IRAG2: variants seen among roughly 807,000 people sequenced by gnomAD.
IRAG2 encodes inositol 1,4,5-triphosphate receptor associated 2, also known as lymphoid restricted membrane protein.
In IRAG2, 45 loss-of-function variants were observed where a neutral mutation model predicts 69.9. The observed-to-expected ratio is 0.64, with a 90% confidence interval of 0.51 to 0.83. The LOEUF is 0.83. Ranked by LOEUF, IRAG2 falls within the 40% of genes least tolerant of loss-of-function variation. IRAG2 has a pLI of 0.00. For synonymous variants in IRAG2, 193 were observed against 202.4 expected (o/e 0.95, Z 0.40); for missense variants, 520 against 587.0 (o/e 0.89, Z 1.18).
chr12:25,056,150 C>T (rs746220416), intron 1 of IRAG2, among the ~76,000 whole-genome samples: 5 of 151,990 alleles, frequency 3.3e-5, no homozygotes, highest in South Asian at 2.1e-4. Context: ...GCATGGAGGG[C>T]GGGAGGTATG....
intron 5 of IRAG2, chr12:25,017,091 T>G (rs1944535582): frequency 8.2e-7 from 1 of 1,221,206 alleles, no homozygotes; most frequent in African/African-American, 1.6e-5. Context: ...TTAGAAGGAA[T>G]TAGTGATGTG....
intron 16 of IRAG2, among the ~76,000 whole-genome samples, chr12:25,038,516 C>T (rs897567446): frequency 6.6e-6 from 1 of 151,992 alleles, no homozygotes; most frequent in East Asian, 1.9e-4. Flanking sequence ...GGTGGTAATG[C>T]CTGTAATCCC....
chr12:25,005,655 G>T (rs1176863450), intron 2 of IRAG2, among the ~76,000 whole-genome samples: 2 of 152,032 alleles, frequency 1.3e-5, no homozygotes, highest in Non-Finnish European at 2.9e-5. Flanking sequence ...CGTAGGTGGC[G>T]CCCCACAGGA....
At position 25,101,166 on chromosome 12, in the gene IRAG2, T is replaced by C; in HGVS notation, c.742-12T>C. On this transcript the variant is annotated splice_polypyrimidine_tract_variant and intron_variant, in intron 15 of 21. Transcript: ENST00000556887. ...TTTTCAATGTAAATGTGCTCGTTTTTTCTCTTGCTAGGAAAGCCGGGTTAG... is the reference window on the plus strand; with the variant it reads ...TTTTCAATGTAAATGTGCTCGTTTTCTCTCTTGCTAGGAAAGCCGGGTTAG... 6.3e-7 allele frequency: 1 copy of C among 1,588,842 alleles called. No homozygotes were observed. The highest frequency in any genetic ancestry group is 8.6e-7 in the Non-Finnish European group (1 of 1,167,426).
At chr12:25,107,126 C>CCTG in intron 21 of IRAG2, 76 bp downstream of exon 21, 1 of 675,630 alleles carries the variant, frequency 1.5e-6, no homozygotes, top group Non-Finnish European at 2.4e-6. Context: ...AGTATTAATC[C>CCTG]TAATCAAATT....
chr12:25,096,649 T>G (rs905760938), intron 14 of IRAG2, among the ~76,000 whole-genome samples: 1 of 152,180 alleles, frequency 6.6e-6, no homozygotes, highest in Admixed American at 6.5e-5. Flanking sequence ...AGAAGAAAGA[T>G]GTGGCAAATT....
At position 25,087,180 on chromosome 12, in the gene IRAG2, T is replaced by TTG. The variant is rs1555141786; in HGVS notation, c.316-919_316-918insGT. On this transcript the variant is annotated intron_variant, in intron 10 of 21. Transcript: ENST00000556887. Reference sequence around the variant, plus strand: ...TTTTTTTTTTTTTTTTTTTTTTTTTTTTGTTGAGACAGAGCCTTGCACTGC... The same window carrying TTG: ...TTTTTTTTTTTTTTTTTTTTTTTTTTTGTTGTTGAGACAGAGCCTTGCACTGC... Among the ~76,000 whole-genome samples, 176 of 125,184 alleles carry TTG rather than the reference T, an allele frequency of 1.4e-3. 2 individuals are homozygous for TTG. The highest frequency in any genetic ancestry group is 2.7e-3 in the South Asian group (10 of 3,666). The allele number at this position is 125,184 out of a possible 152,430, so 82.1% of individuals were successfully genotyped here. A position where few individuals can be genotyped will look rare whatever the true frequency, so the allele number is the denominator to read the frequency against.
chr12:25,063,465 G>T (rs1261587266), intron 3 of IRAG2, among the ~76,000 whole-genome samples: 1 of 152,174 alleles, frequency 6.6e-6, no homozygotes, highest in African/African-American at 2.4e-5. Flanking sequence ...ATTATTTGGA[G>T]TTGATGATGT....
intron 1 of IRAG2, 119 bp from the exon 2 acceptor site, chr12:25,061,473 T>G: frequency 1.3e-5 from 5 of 392,892 alleles, no homozygotes; most frequent in African/African-American, 4.1e-5. Flanking sequence ...TGCAGTGAGG[T>G]GAGATCATGC....
chr12:25,100,186 A>AGAAAGGAAGTAAGGAAGTTG (rs1200357143), intron 15 of IRAG2, among the ~76,000 whole-genome samples: 2 of 151,918 alleles, frequency 1.3e-5, no homozygotes, highest in Non-Finnish European at 2.9e-5. Flanking sequence ...TGGTGAAAGA[A>AGAAAGGAAGTAAGGAAGTTG]GAAAGGAAGT....
upstream of IRAG2, among the ~76,000 whole-genome samples, chr12:25,050,674 G>C (rs1944847256): frequency 6.6e-6 from 1 of 152,014 alleles, no homozygotes; most frequent in Non-Finnish European, 1.5e-5. Context: ...AGAGCTATTT[G>C]CATTCCCATA....
intron 3 of IRAG2, chr12:25,011,606 T>C: frequency 9.7e-7 from 1 of 1,034,788 alleles, no homozygotes; most frequent in African/African-American, 1.7e-5. Context: ...CAACTGATTA[T>C]AATTATGCTA....
chr12:25,106,729 A>T (rs1949172573), intron 20 of IRAG2, among the ~76,000 whole-genome samples: 1 of 106,118 alleles, frequency 9.4e-6, no homozygotes, highest in East Asian at 4.4e-4. Context: ...TATTTTTCTA[A>T]ATAGAAGAAC....
intron 6 of IRAG2, among the ~76,000 whole-genome samples, chr12:25,078,426 G>C (rs993808592): frequency 3.3e-5 from 5 of 152,110 alleles, no homozygotes; most frequent in Admixed American, 6.5e-5. Context: ...TCTGATTATG[G>C]AATAACTAAA....
rs747475632 is a variant in IRAG2 at position 25,090,786 on chromosome 12, C to T, written c.606+589C>T. 95 of 449,108 alleles carry T rather than the reference C, an allele frequency of 2.1e-4. 1 individual carries two copies. The Middle Eastern group carries it at 0.012, about 57-fold the overall frequency. 27.8% of individuals were successfully genotyped at this position (449,108 alleles called of 1,614,324 possible). A position where few individuals can be genotyped will look rare whatever the true frequency, so the allele number is the denominator to read the frequency against. ...TTTTAAAGTAGGTTGCATGAGTCAT[C>T]TGCCTTTTCTCTGGATTTTCAAATT... On this transcript the variant is annotated intron_variant, in intron 14 of 21. Coordinates refer to ENST00000556887, the MANE Select transcript of IRAG2 (RefSeq NM_001366544.2).
Position 25,102,405 on chromosome 12 carries a change from T to G in IRAG2, c.933+164T>G, listed in dbSNP as rs149910131. 2.1e-4 allele frequency: 125 copies of G among 605,676 alleles called. No homozygotes were observed. The East Asian group carries it at 3.4e-3, about 17-fold the overall frequency. The allele number at this position is 605,676 out of a possible 1,614,324, so 37.5% of individuals were successfully genotyped here. Reference sequence around the variant, plus strand: ...ATGCTTTTATACTCTCTGCTATATTTTTGTATCAATTAAGTGTGCCTGGCA... The same window carrying G: ...ATGCTTTTATACTCTCTGCTATATTGTTGTATCAATTAAGTGTGCCTGGCA... On this transcript the variant is annotated intron_variant, in intron 17 of 21. Transcript: ENST00000556887.
intron 3 of IRAG2, among the ~76,000 whole-genome samples, chr12:25,013,473 G>A (rs141718560): frequency 3.0e-4 from 46 of 152,272 alleles, no homozygotes; most frequent in African/African-American, 9.1e-4. Flanking sequence ...GCAAGGCCCT[G>A]TCTCCAAAAC....
At chr12:25,085,617 A>G (rs746025083) in intron 10 of IRAG2, among the ~76,000 whole-genome samples, 1 of 152,156 alleles carries the variant, frequency 6.6e-6, no homozygotes, top group East Asian at 1.9e-4. Context: ...GTCTTGGAAA[A>G]TACAACATTC....
chr12:25,057,759 T>C (rs947798634), intron 1 of IRAG2, among the ~76,000 whole-genome samples: 10 of 152,180 alleles, frequency 6.6e-5, no homozygotes, highest in African/African-American at 2.4e-4. Context: ...ACTTCCCTTG[T>C]GCAACTTCCC....
Sources: allele counts gnomAD v4.1 joint callset (sites outside exome capture counted in the v4.1 genomes callset), GRCh38; gene constraint gnomAD v4.1.1; transcripts MANE v1.5; gene names NCBI Gene and HGNC (gene_info 2026-07-23, HGNC 2026-07-21).